Variants in OPCML observed in about 807,000 individuals in gnomAD.
OPCML encodes the protein opioid-binding protein/cell adhesion molecule.
A neutral mutation model predicts 37.8 loss-of-function variants in OPCML; 13 were observed. The ratio of observed to expected loss-of-function variants is 0.34; its 90% CI spans 0.22 to 0.55. OPCML has a LOEUF of 0.55. OPCML is among the 20% of genes least tolerant of loss of function. The pLI, the probability that OPCML is intolerant of heterozygous loss-of-function variation, is 0.91. For synonymous variants in OPCML, 176 were observed against 168.8 expected (o/e 1.04, Z -0.33); for missense variants, 341 against 435.6 (o/e 0.78, Z 1.93).
At chr11:133,368,998 A>T (rs894948780) in intron 1 of OPCML, among the ~76,000 whole-genome samples, 21 of 152,376 alleles carry the variant, frequency 1.4e-4, no homozygotes, top group African/African-American at 5.1e-4. Flanking sequence ...TCAAAAGAAT[A>T]ATACTAAAAA....
chr11:132,581,035 A>G (rs1315916740), intron 3 of OPCML, among the ~76,000 whole-genome samples: 3 of 152,160 alleles, frequency 2.0e-5, no homozygotes, highest in Non-Finnish European at 4.4e-5. Flanking sequence ...CTAGATGACT[A>G]CACATCTGGA....
intron 2 of OPCML, among the ~76,000 whole-genome samples, chr11:132,760,169 A>T (rs557501281): frequency 3.8e-4 from 58 of 152,108 alleles, no homozygotes; most frequent in Admixed American, 2.9e-3. Flanking sequence ...GAGACTGTTG[A>T]TTATGATTTC....
At chr11:133,283,047 G>A (rs1222565997) in intron 1 of OPCML, among the ~76,000 whole-genome samples, 3 of 152,168 alleles carry the variant, frequency 2.0e-5, no homozygotes, top group African/African-American at 7.2e-5. Context: ...TGAGACTTAG[G>A]ACTTTGGACT....
intron 2 of OPCML, among the ~76,000 whole-genome samples, chr11:132,671,006 T>G (rs1341897130): frequency 6.6e-6 from 1 of 152,342 alleles, no homozygotes; most frequent in Admixed American, 6.5e-5. Context: ...TTCAGGTGAC[T>G]GTGGCTTAAT....
At chr11:132,886,478 G>A (rs948953237) in intron 2 of OPCML, among the ~76,000 whole-genome samples, 3 of 152,222 alleles carry the variant, frequency 2.0e-5, no homozygotes, top group East Asian at 1.9e-4. Context: ...GGCAGCGACC[G>A]TGAGAAGGAC....
intron 1 of OPCML, among the ~76,000 whole-genome samples, chr11:133,417,453 A>G (rs1945792912): frequency 6.7e-6 from 1 of 150,314 alleles, no homozygotes; most frequent in Middle Eastern, 3.5e-3. Flanking sequence ...AGTCACTAGC[A>G]CCTGGATTCT....
Position 133,320,945 on chromosome 11 carries a change from T to C in OPCML, c.61+211319A>G, listed in dbSNP as rs1255119744. Among the ~76,000 whole-genome samples the C allele has an allele frequency of 2.0e-5, 3 of 152,066 alleles. No homozygotes were observed. In the East Asian group the frequency reaches 5.8e-4, roughly 29 times the overall value. On this transcript the variant is annotated intron_variant, in intron 1 of 7. Transcript: ENST00000524381. ...GATGTGGTCTTATCAGCCGTGGAGT[T>C]TGGCTAAGGCAGAAAACAGAGAGCC...
At chr11:133,398,260 G>A (rs906900217) in intron 1 of OPCML, among the ~76,000 whole-genome samples, 1 of 152,188 alleles carries the variant, frequency 6.6e-6, no homozygotes, top group Non-Finnish European at 1.5e-5. Flanking sequence ...CAGCTTTGAT[G>A]GAGTCTCTCA....
chr11:132,423,587 A>T (rs1329329034), intron 7 of OPCML, among the ~76,000 whole-genome samples: 1 of 152,224 alleles, frequency 6.6e-6, no homozygotes, highest in Non-Finnish European at 1.5e-5. Context: ...GCATCTTTGC[A>T]GTAGCCCTGT....
chr11:133,110,828 C>A (rs1325815422), intron 1 of OPCML, among the ~76,000 whole-genome samples: 1 of 152,138 alleles, frequency 6.6e-6, no homozygotes, highest in African/African-American at 2.4e-5. Flanking sequence ...CCACTAAGGG[C>A]ATGACTAAGT....
chr11:132,575,498 G>A (rs1214454700), intron 3 of OPCML, among the ~76,000 whole-genome samples: 2 of 151,954 alleles, frequency 1.3e-5, no homozygotes, highest in Non-Finnish European at 2.9e-5. Context: ...AACAACTTAA[G>A]TTTAATGACA....
At chr11:133,135,145 T>G (rs1176192295) in intron 1 of OPCML, among the ~76,000 whole-genome samples, 1 of 152,220 alleles carries the variant, frequency 6.6e-6, no homozygotes, top group African/African-American at 2.4e-5. Context: ...TCCAGTTTGG[T>G]TAATTAACAA....
intron 1 of OPCML, among the ~76,000 whole-genome samples, chr11:132,956,388 ACT>A (rs760671613): frequency 7.2e-5 from 11 of 152,274 alleles, no homozygotes; most frequent in Middle Eastern, 3.4e-3. Flanking sequence ...ATATATTGTA[ACT>A]CAGCTTAGAG....
At chr11:133,499,242 C>T (rs1278592423) in intron 1 of OPCML, among the ~76,000 whole-genome samples, 7 of 152,092 alleles carry the variant, frequency 4.6e-5, no homozygotes, top group Non-Finnish European at 4.4e-5. Context: ...CCAGGGATTT[C>T]GGGCGAGGGG....
intron 1 of OPCML, among the ~76,000 whole-genome samples, chr11:133,001,815 A>T (rs561591510): frequency 1.3e-5 from 2 of 152,342 alleles, no homozygotes; most frequent in African/African-American, 4.8e-5. Context: ...TGCACCCATG[A>T]TAATTGTGCA....
chr11:132,595,655 C>A (rs1295080637), intron 3 of OPCML, among the ~76,000 whole-genome samples: 2 of 152,188 alleles, frequency 1.3e-5, no homozygotes, highest in South Asian at 4.1e-4. Flanking sequence ...CAGTTAGGAC[C>A]TGTGCATCCA....
At chr11:133,149,073 G>A (rs1949937914) in intron 1 of OPCML, among the ~76,000 whole-genome samples, 1 of 152,140 alleles carries the variant, frequency 6.6e-6, no homozygotes, top group Non-Finnish European at 1.5e-5. Flanking sequence ...CCTGCTCTCT[G>A]AACTGGGAAA....
intron 1 of OPCML, among the ~76,000 whole-genome samples, chr11:133,374,065 G>A (rs1225360916): frequency 6.6e-6 from 1 of 152,168 alleles, no homozygotes; most frequent in Non-Finnish European, 1.5e-5. Context: ...GATGTTCATA[G>A]CAACTTTATC....
chr11:133,181,222 T>G (rs1305363632), intron 1 of OPCML, among the ~76,000 whole-genome samples: 1 of 152,092 alleles, frequency 6.6e-6, no homozygotes, highest in Admixed American at 6.5e-5. Context: ...AACCTACACA[T>G]GAGAAAACTG....
Sources: allele counts gnomAD v4.1 joint callset (sites outside exome capture counted in the v4.1 genomes callset), GRCh38; gene constraint gnomAD v4.1.1; transcripts MANE v1.5; gene names NCBI Gene and HGNC (gene_info 2026-07-23, HGNC 2026-07-21).